The following PALM2AKAP2 variants were observed in gnomAD, a reference collection of about 807,000 sequenced individuals.
PALM2AKAP2 encodes the protein PALM2-AKAP2 fusion protein.
A neutral mutation model predicts 71.5 loss-of-function variants in PALM2AKAP2; 37 were observed. The observed-to-expected ratio is 0.52, with a 90% confidence interval of 0.40 to 0.68. PALM2AKAP2 has a LOEUF of 0.68. PALM2AKAP2 is among the 30% of genes least tolerant of loss of function. The pLI is 0.00. For synonymous variants in PALM2AKAP2, 468 were observed against 478.8 expected (o/e 0.98, Z 0.29); for missense variants, 1,224 against 1,191.8 (o/e 1.03, Z -0.40).
At chr9:109,724,861 A>T (rs1475670100) in intron 1 of PALM2AKAP2, among the ~76,000 whole-genome samples, 1 of 152,328 alleles carries the variant, frequency 6.6e-6, no homozygotes, top group East Asian at 1.9e-4. Flanking sequence ...TTCAAAACAT[A>T]AGAGACAAAT....
intron 1 of PALM2AKAP2, among the ~76,000 whole-genome samples, chr9:109,685,494 T>C (rs575755750): frequency 6.6e-6 from 1 of 152,292 alleles, no homozygotes; most frequent in South Asian, 2.1e-4. Flanking sequence ...TACACTATAC[T>C]ATACTAAAGT....
rs1473935761 is a variant in PALM2AKAP2 at position 109,906,568 on chromosome 9, G to A, written c.258-17167G>A. 3.3e-5 allele frequency among the ~76,000 whole-genome samples: 5 copies of A among 152,270 alleles called. No homozygotes were observed. In the South Asian group the frequency reaches 1.0e-3, roughly 32 times the overall value. ...TGTGCAGCCACACAAATGCAAAAAG[G>A]TTAGCTTAGGAAGTTGTCAACATCA... On this transcript the variant is annotated intron_variant, in intron 3 of 9. Transcript: ENST00000302798.
intron 1 of PALM2AKAP2, among the ~76,000 whole-genome samples, chr9:109,666,228 G>C (rs887518744): frequency 1.3e-5 from 2 of 152,174 alleles, no homozygotes; most frequent in African/African-American, 2.4e-5. Flanking sequence ...AGATGAACCA[G>C]GTACCTCAGT....
intron 1 of PALM2AKAP2, among the ~76,000 whole-genome samples, chr9:109,740,917 G>T (rs752327457): frequency 4.6e-5 from 7 of 152,126 alleles, no homozygotes; most frequent in Non-Finnish European, 1.0e-4. Context: ...CTCCCAAAGC[G>T]CTGGGATTAC....
intron 1 of PALM2AKAP2, among the ~76,000 whole-genome samples, chr9:109,668,634 CTG>C (rs1172046660): frequency 6.6e-6 from 1 of 152,176 alleles, no homozygotes; most frequent in African/African-American, 2.4e-5. Flanking sequence ...CTGTCTGTCT[CTG>C]TCTTTTTTTT....
At chr9:109,720,957 A>G (rs936755715) in intron 1 of PALM2AKAP2, among the ~76,000 whole-genome samples, 4 of 152,196 alleles carry the variant, frequency 2.6e-5, no homozygotes, top group Admixed American at 2.6e-4. Context: ...ACCACCACAC[A>G]CACCACTAAA....
chr9:110,048,851 C>T, exon 1 of PALM2AKAP2: 1 of 1,509,392 alleles, frequency 6.6e-7, no homozygotes, highest in Non-Finnish European at 8.8e-7. Flanking sequence ...AGCGGGCGCC[C>T]AGAGGTGGGT....
chr9:110,054,823 C>T (rs889138872), intron 1 of PALM2AKAP2, among the ~76,000 whole-genome samples: 7 of 152,178 alleles, frequency 4.6e-5, no homozygotes, highest in African/African-American at 1.2e-4. Flanking sequence ...CCTCCCACCT[C>T]GGCCTCCCAA....
At chr9:110,146,774 G>C (rs919481767) in intron 2 of PALM2AKAP2, among the ~76,000 whole-genome samples, 2 of 152,156 alleles carry the variant, frequency 1.3e-5, no homozygotes, top group Non-Finnish European at 2.9e-5. Context: ...GGAAGGCTAG[G>C]AGGTGAGGTG....
intron 1 of PALM2AKAP2, among the ~76,000 whole-genome samples, chr9:109,693,772 T>A (rs986950985): frequency 5.9e-5 from 9 of 152,084 alleles, no homozygotes; most frequent in Admixed American, 3.3e-4. Context: ...CTTCTAACAT[T>A]GATTTCTAGT....
At chr9:109,966,126 C>G (rs1292727605) in intron 6 of PALM2AKAP2, among the ~76,000 whole-genome samples, 1 of 152,114 alleles carries the variant, frequency 6.6e-6, no homozygotes, top group Non-Finnish European at 1.5e-5. Flanking sequence ...AGAGCAGAGG[C>G]ACTAAAACTA....
rs1229543962 is a variant in PALM2AKAP2 at position 110,117,882 on chromosome 9, G to T, written c.157-18245G>T. Among the ~76,000 whole-genome samples, 8 of 151,930 alleles carry T rather than the reference G, an allele frequency of 5.3e-5. No homozygotes were observed. The East Asian group carries it at 1.2e-3, about 22-fold the overall frequency. ...TAAGCTATATATATATAGAGAGAGA[G>T]AGAGAGAGAACTATAGAGAGAGGGC... On this transcript the variant is annotated intron_variant, in intron 1 of 3. Transcript: ENST00000374525.
At chr9:110,126,764 C>G (rs1011653573) in intron 1 of PALM2AKAP2, among the ~76,000 whole-genome samples, 1 of 152,224 alleles carries the variant, frequency 6.6e-6, no homozygotes, top group African/African-American at 2.4e-5. Context: ...CTGACCCCCA[C>G]CACACACACT....
exon 2 of PALM2AKAP2, chr9:110,136,349 C>G (rs1236040848): frequency 1.2e-6 from 2 of 1,614,192 alleles, no homozygotes; most frequent in Non-Finnish European, 8.5e-7. Context: ...TAATGGCCTC[C>G]TTACTGATCA....
intron 1 of PALM2AKAP2, among the ~76,000 whole-genome samples, chr9:109,773,136 CAA>C (rs775066018): frequency 1.7e-4 from 26 of 151,816 alleles, no homozygotes; most frequent in Non-Finnish European, 2.8e-4. Flanking sequence ...AAGAATGTTG[CAA>C]AGTCTTTTTT....
intron 1 of PALM2AKAP2, among the ~76,000 whole-genome samples, chr9:109,766,841 A>C (rs980793127): frequency 3.9e-5 from 6 of 152,188 alleles, no homozygotes; most frequent in Non-Finnish European, 8.8e-5. Context: ...AGGCACAGAG[A>C]GGTTAAGTAC....
intron 3 of PALM2AKAP2, among the ~76,000 whole-genome samples, chr9:109,893,769 A>C (rs1331604909): frequency 6.6e-6 from 1 of 152,168 alleles, no homozygotes; most frequent in African/African-American, 2.4e-5. Flanking sequence ...ATTTTAAAAA[A>C]TGTTTAGCCT....
chr9:109,669,958 CT>C (rs1340834831), intron 1 of PALM2AKAP2, among the ~76,000 whole-genome samples: 1 of 148,442 alleles, frequency 6.7e-6, no homozygotes, highest in Non-Finnish European at 1.5e-5. Flanking sequence ...TTAATTTTTT[CT>C]TTAGCTAGCA....
At chr9:109,703,177 T>C (rs998906274) in intron 1 of PALM2AKAP2, among the ~76,000 whole-genome samples, 17 of 152,244 alleles carry the variant, frequency 1.1e-4, no homozygotes, top group African/African-American at 4.1e-4. Context: ...AATTCAAATA[T>C]ACATATATAT....
Sources: gnomAD v4.1 joint callset for allele counts (sites outside exome capture counted in the v4.1 genomes callset) on GRCh38, gnomAD v4.1.1 for gene constraint, MANE v1.5 for transcripts, NCBI Gene and HGNC (gene_info 2026-07-23, HGNC 2026-07-21) for gene names.